The following CSMD2 variants were observed in gnomAD, a reference collection of about 807,000 sequenced individuals.
The protein encoded by CSMD2 is CUB and sushi domain-containing protein 2.
In CSMD2, 130 loss-of-function variants were observed where a neutral mutation model predicts 398.5. That is an observed-to-expected ratio of 0.33 (90% CI 0.28 to 0.38). The LOEUF is 0.38. CSMD2 is among the 10% of genes least tolerant of loss of function. The pLI, the probability that CSMD2 is intolerant of heterozygous loss-of-function variation, is 1.00. For synonymous variants in CSMD2, 1,828 were observed against 1,908.5 expected (o/e 0.96, Z 1.10); for missense variants, 3,829 against 4,764.9 (o/e 0.80, Z 5.78).
intron 48 of CSMD2, among the ~76,000 whole-genome samples, chr1:33,578,663 G>A (rs1179435706): frequency 3.3e-5 from 5 of 152,132 alleles, no homozygotes; most frequent in African/African-American, 9.7e-5. Context: ...ATCCTCAGGG[G>A]GAGTTCTGTG....
intron 3 of CSMD2, among the ~76,000 whole-genome samples, chr1:34,014,346 G>T (rs768630872): frequency 2.0e-5 from 3 of 152,252 alleles, no homozygotes; most frequent in Non-Finnish European, 4.4e-5. Context: ...TAGAAGCCAA[G>T]TTCTTCCCAT....
At chr1:33,971,202 G>A (rs550980913) in intron 3 of CSMD2, among the ~76,000 whole-genome samples, 24 of 152,306 alleles carry the variant, frequency 1.6e-4, no homozygotes, top group Middle Eastern at 3.4e-3. Context: ...CAGGACTCAC[G>A]ATTAACATGC....
intron 3 of CSMD2, among the ~76,000 whole-genome samples, chr1:33,947,275 G>A (rs1644867841): frequency 6.6e-6 from 1 of 152,176 alleles, no homozygotes; most frequent in Non-Finnish European, 1.5e-5. Context: ...CCCAGGGTGG[G>A]AGCCCTGCTC....
chr1:33,795,844 G>A (rs1193211200), intron 10 of CSMD2, among the ~76,000 whole-genome samples: 3 of 152,326 alleles, frequency 2.0e-5, no homozygotes, highest in East Asian at 1.9e-4. Flanking sequence ...ATGTAGACTG[G>A]GAGAACAATT....
chr1:34,165,823 C>T (rs764074484), upstream of CSMD2: 3 of 1,613,324 alleles, frequency 1.9e-6, no homozygotes, highest in Non-Finnish European at 2.5e-6. Context: ...TTCACAATAG[C>T]CTCCTACCCC....
chr1:34,148,338 G>A (rs746853893), intron 1 of CSMD2, among the ~76,000 whole-genome samples: 36 of 152,098 alleles, frequency 2.4e-4, no homozygotes, highest in African/African-American at 3.6e-4. Context: ...AACCTCCACC[G>A]GCCCCTTGCC....
chr1:33,907,826 A>G (rs1171461721), intron 5 of CSMD2, among the ~76,000 whole-genome samples: 1 of 152,140 alleles, frequency 6.6e-6, no homozygotes, highest in Non-Finnish European at 1.5e-5. Context: ...AAGAGAAACT[A>G]GGATGAAAAG....
chr1:33,586,455 T>C lies in CSMD2; in HGVS notation c.7051+49A>G, dbSNP rs193100381. On this transcript the variant is annotated intron_variant, in intron 46 of 70. Transcript: ENST00000373381. ...AAAGAGGAGCAAAACAAGAGCTTTG[T>C]TCAGGAGGAACTTCTAGGCCCCATA... The C allele has an allele frequency of 1.9e-4, 235 of 1,234,150 alleles. No individual in the cohort carries two copies. The African/African-American group carries it at 3.1e-3, about 16-fold the overall frequency. The allele number at this position is 1,234,150 out of a possible 1,614,324, so 76.4% of individuals were successfully genotyped here. A position where few individuals can be genotyped will look rare whatever the true frequency, so the allele number is the denominator to read the frequency against.
At chr1:34,116,805 TA>T (rs1324914094) in intron 1 of CSMD2, among the ~76,000 whole-genome samples, 5 of 151,738 alleles carry the variant, frequency 3.3e-5, no homozygotes, top group African/African-American at 9.7e-5. Flanking sequence ...TTTCCAACTA[TA>T]AAGGAATAGA....
rs573807696 is a variant in CSMD2, at chr1:34,088,172, T to C, written c.404+805A>G. Among the ~76,000 whole-genome samples, 10 of 152,366 alleles carry C rather than the reference T, an allele frequency of 6.6e-5. No homozygotes were observed. The South Asian group carries it at 1.2e-3, about 19-fold the overall frequency. ...CTGGGAACCACTCATTAGTGCATCA[T>C]GTCATTAGAAGCAATTAGCACCTCC... On this transcript the variant is annotated intron_variant, in intron 2 of 70. Transcript: ENST00000373381.
At chr1:33,674,448 A>G (rs980132991) in intron 25 of CSMD2, among the ~76,000 whole-genome samples, 1 of 152,178 alleles carries the variant, frequency 6.6e-6, no homozygotes, top group Non-Finnish European at 1.5e-5. Flanking sequence ...GAGCACCCAG[A>G]TTCATAAAGC....
In CSMD2 at chr1:34,117,663, AC is replaced by A. The variant is rs552280941; in HGVS notation, c.188-28471del. Among the ~76,000 whole-genome samples the A allele has an allele frequency of 5.8e-3, 882 of 152,218 alleles. 13 individuals are homozygous for A. The highest frequency in any genetic ancestry group is 0.02 in the African/African-American group (841 of 41,526). On this transcript the variant is annotated intron_variant, in intron 1 of 70. Transcript: ENST00000373381. ...AAAGATACTACAAAAAAAAAAGAAA[AC>A]AAACAAACAAAAACTACAGACCAAT...
chr1:33,822,495 T>C lies in CSMD2; in HGVS notation c.1112-1939A>G, dbSNP rs377291705. 5.9e-5 allele frequency among the ~76,000 whole-genome samples: 9 copies of C among 152,246 alleles called. No homozygotes were observed. The East Asian group carries it at 1.5e-3, about 26-fold the overall frequency. ...ACTGTGTGCTCAAGCCAGACACAGGTATCCTCTTGGTTGTGTGCAGTGCAC... is the reference window on the plus strand; with the variant it reads ...ACTGTGTGCTCAAGCCAGACACAGGCATCCTCTTGGTTGTGTGCAGTGCAC... On this transcript the variant is annotated intron_variant, in intron 7 of 70. Coordinates refer to ENST00000373381, the MANE Select transcript of CSMD2 (RefSeq NM_001281956.2).
intron 1 of CSMD2, among the ~76,000 whole-genome samples, chr1:34,139,311 C>T (rs1639051352): frequency 6.6e-6 from 1 of 152,152 alleles, no homozygotes; most frequent in Non-Finnish European, 1.5e-5. Context: ...CTGGCACACT[C>T]AGCCCCCCTC....
chr1:33,900,207 C>T (rs1642657659), intron 5 of CSMD2, among the ~76,000 whole-genome samples: 1 of 152,148 alleles, frequency 6.6e-6, no homozygotes, highest in African/African-American at 2.4e-5. Context: ...GTATGAAAGG[C>T]CTTGAGAGGG....
chr1:33,535,523 A>G (rs1242133423), intron 62 of CSMD2, among the ~76,000 whole-genome samples: 2 of 152,176 alleles, frequency 1.3e-5, no homozygotes, highest in Non-Finnish European at 2.9e-5. Flanking sequence ...ATAATAATCC[A>G]TCACGTGACT....
chr1:33,676,939 C>T (rs1644733993), intron 25 of CSMD2, among the ~76,000 whole-genome samples: 1 of 152,176 alleles, frequency 6.6e-6, no homozygotes, highest in Non-Finnish European at 1.5e-5. Flanking sequence ...CACTTCCTTA[C>T]ACCTTATACA....
intron 5 of CSMD2, among the ~76,000 whole-genome samples, chr1:33,892,448 G>A (rs1315017949): frequency 3.3e-5 from 5 of 152,096 alleles, no homozygotes; most frequent in African/African-American, 2.4e-5. Context: ...TACCCAATAT[G>A]TAGTCTTTTA....
chr1:33,665,357 T>G lies in CSMD2; in HGVS notation c.4053-2265A>C, dbSNP rs142484462. 5.7e-3 allele frequency among the ~76,000 whole-genome samples: 868 copies of G among 152,142 alleles called. 6 individuals carry two copies. The highest frequency in any genetic ancestry group is 0.02 in the African/African-American group (816 of 41,522). ...TTTAAGGATACTGGATGTCATGTTA[T>G]GCTTGGGCAGACCTCTCCCCGACCC... On this transcript the variant is annotated intron_variant, in intron 25 of 70. Coordinates refer to ENST00000373381, the MANE Select transcript of CSMD2 (RefSeq NM_001281956.2).
Sources: allele counts gnomAD v4.1 joint callset (sites outside exome capture counted in the v4.1 genomes callset), GRCh38; gene constraint gnomAD v4.1.1; transcripts MANE v1.5; gene names NCBI Gene and HGNC (gene_info 2026-07-23, HGNC 2026-07-21).